The following YAF2 variants were observed in gnomAD, a reference collection of about 807,000 sequenced individuals.
YAF2 encodes the protein YY1-associated factor 2.
In YAF2, 7 loss-of-function variants were observed where a neutral mutation model predicts 20.1. The observed-to-expected ratio is 0.35, with a 90% CI of 0.20 to 0.65. YAF2 has a LOEUF of 0.65. Among genes scored for constraint, YAF2 ranks in the 30% least tolerant of loss-of-function variants. The probability of loss-of-function intolerance (pLI) is 0.69; values close to 1 mark genes in which losing one functional copy is unlikely to be tolerated. For synonymous variants in YAF2, 74 were observed against 76.0 expected (o/e 0.97, Z 0.14); for missense variants, 151 against 219.2 (o/e 0.69, Z 1.96).
intron 2 of YAF2, among the ~76,000 whole-genome samples, chr12:42,226,479 T>C (rs1164817789): frequency 1.3e-5 from 2 of 151,998 alleles, no homozygotes; most frequent in African/African-American, 4.8e-5. Flanking sequence ...CTGGGCAACA[T>C]AGGGAGACAC....
At position 42,238,140 on chromosome 12, in the gene YAF2, C is replaced by T; in HGVS notation, c.26+15G>A. The T allele has an allele frequency of 1.3e-6, 2 of 1,538,492 alleles. No individual in the cohort carries two copies. The highest frequency in any genetic ancestry group is 1.7e-6 in the Non-Finnish European group (2 of 1,144,520). ...CGCCCGCACAGTCCGGGCCCCGGGGCCCGGGCGCTGTTACCTGGTGGGGCT... is the reference window on the plus strand; with the variant it reads ...CGCCCGCACAGTCCGGGCCCCGGGGTCCGGGCGCTGTTACCTGGTGGGGCT... On this transcript the variant is annotated intron_variant, in intron 1 of 3. Coordinates refer to ENST00000534854, the MANE Select transcript of YAF2 (RefSeq NM_005748.6).
intron 2 of YAF2, chr12:42,234,115 G>A (rs1476223956): frequency 1.3e-6 from 1 of 794,662 alleles, no homozygotes; most frequent in Middle Eastern, 6.3e-4. Context: ...AGGTTGCAGT[G>A]AGCCGAGGTC....
intron 2 of YAF2, among the ~76,000 whole-genome samples, chr12:42,170,920 C>T (rs751155603): frequency 3.9e-5 from 6 of 152,136 alleles, no homozygotes; most frequent in South Asian, 2.1e-4. Flanking sequence ...CCCTAATATC[C>T]GCTCTAAATG....
At chr12:42,227,947 C>T (rs1382011687) in intron 2 of YAF2, among the ~76,000 whole-genome samples, 1 of 145,308 alleles carries the variant, frequency 6.9e-6, no homozygotes, top group Non-Finnish European at 1.5e-5. Context: ...TCAGCCCAGC[C>T]AGCCACCCTG....
At chr12:42,167,308 AAAAT>A (rs568791161) in intron 2 of YAF2, among the ~76,000 whole-genome samples, 22 of 152,328 alleles carry the variant, frequency 1.4e-4, no homozygotes, top group Non-Finnish European at 2.6e-4. Context: ...CAGTAAAATA[AAAAT>A]AAATAAAATA....
chr12:42,160,497 T>C lies in YAF2; in HGVS notation c.*92A>G, dbSNP rs1036400583. On this transcript the variant is annotated 3_prime_UTR_variant, in exon 4 of 4. Coordinates refer to ENST00000534854, the MANE Select transcript of YAF2 (RefSeq NM_005748.6). ...ACTCAAATTATGGATTGTGCATGAA[T>C]GTATCTGTCATGAAAATGTGGTACC... 8.4e-5 allele frequency: 78 copies of C among 925,844 alleles called. No homozygotes were observed. In the Admixed American group the frequency reaches 1.3e-3, roughly 15 times the overall value. 57.4% of individuals were successfully genotyped at this position (925,844 alleles called of 1,614,324 possible).
At chr12:42,212,233 GA>G (rs1409172070) in intron 2 of YAF2, among the ~76,000 whole-genome samples, 3 of 151,746 alleles carry the variant, frequency 2.0e-5, no homozygotes, top group Non-Finnish European at 4.4e-5. Context: ...CTAATCAAAA[GA>G]AAAAAATCTC....
chr12:42,196,053 C>G lies in YAF2; in HGVS notation c.153-34288G>C, dbSNP rs12227048. Among the ~76,000 whole-genome samples the G allele has an allele frequency of 6.6e-5, 10 of 151,904 alleles. No individual in the cohort carries two copies. The East Asian group carries it at 1.5e-3, about 24-fold the overall frequency. ...CCTGGCCAACATGGTGAAACCCCAT[C>G]TCTACTAAAGACACAAAAATTAGCA... is the stretch of plus-strand genomic sequence containing the variant. On this transcript the variant is annotated intron_variant, in intron 2 of 3. Transcript: ENST00000534854.
chr12:42,179,789 CAAAAA>C (rs71084622), intron 2 of YAF2, among the ~76,000 whole-genome samples: 3 of 85,128 alleles, frequency 3.5e-5, no homozygotes, highest in Non-Finnish European at 4.5e-5. Flanking sequence ...GTCTAAAAGG[CAAAAA>C]AAAAAAAAAA....
chr12:42,212,561 GAAAAC>G (rs2067243662), intron 2 of YAF2: 1 of 306,450 alleles, frequency 3.3e-6, no homozygotes, highest in Non-Finnish European at 6.5e-6. Context: ...ATAAATGAAA[GAAAAC>G]AAAACAAACA....
chr12:42,210,397 C>A, intron 2 of YAF2: 1 of 1,532,760 alleles, frequency 6.5e-7, no homozygotes, highest in Non-Finnish European at 8.7e-7. Context: ...CCTCACAGAT[C>A]CACCTCTCTT....
chr12:42,235,448 T>C, intron 2 of YAF2: 3 of 1,188,400 alleles, frequency 2.5e-6, no homozygotes, highest in Non-Finnish European at 3.2e-6. Flanking sequence ...TCCACACTGT[T>C]CTATACAAAC....
At position 42,198,427 on chromosome 12, in the gene YAF2, A is replaced by G. The variant is rs913891221; in HGVS notation, c.153-36662T>C. Among the ~76,000 whole-genome samples the G allele has an allele frequency of 3.3e-5, 5 of 152,288 alleles. No individual in the cohort carries two copies. In the East Asian group the frequency reaches 7.7e-4, roughly 23 times the overall value. On this transcript the variant is annotated intron_variant, in intron 2 of 3. Transcript: ENST00000534854. ...GGTGAAACTCTGTCTCTACAAAAAA[A>G]TACAAAAATTGGCCAAGTGTTGATG...
At chr12:42,204,440 T>C (rs187191644) in intron 2 of YAF2, among the ~76,000 whole-genome samples, 97 of 152,326 alleles carry the variant, frequency 6.4e-4, no homozygotes, top group Admixed American at 1.3e-3. Flanking sequence ...CTCTAAGCAA[T>C]ACAATATAAC....
chr12:42,198,376 G>A (rs373534866), intron 2 of YAF2, among the ~76,000 whole-genome samples: 2 of 152,132 alleles, frequency 1.3e-5, no homozygotes, highest in South Asian at 2.1e-4. Context: ...TTGAGCTCAG[G>A]AGTTTGAGAC....
chr12:42,171,617 C>T (rs780137858), intron 2 of YAF2, among the ~76,000 whole-genome samples: 1 of 151,992 alleles, frequency 6.6e-6, no homozygotes, highest in Non-Finnish European at 1.5e-5. Flanking sequence ...AGCAAAAGGG[C>T]CAGAACTGGG....
At chr12:42,238,067 C>CGGGCGGCTAGCG in intron 1 of YAF2, 88 bp downstream of exon 1, 1 of 1,195,998 alleles carries the variant, frequency 8.4e-7, no homozygotes, top group Non-Finnish European at 1.1e-6. Context: ...CCCCGGTGCC[C>CGGGCGGCTAGCG]GGGCGGCTAG....
chr12:42,207,895 A>T (rs1157658119), intron 2 of YAF2, among the ~76,000 whole-genome samples: 1 of 151,774 alleles, frequency 6.6e-6, no homozygotes, highest in Non-Finnish European at 1.5e-5. Context: ...TGTCTCAAAA[A>T]GACAAACAAA....
At chr12:42,228,478 G>C (rs1357266810) in intron 2 of YAF2, among the ~76,000 whole-genome samples, 5 of 47,670 alleles carry the variant, frequency 1.0e-4, no homozygotes, top group Admixed American at 1.6e-4. Context: ...GGGAGGTGGG[G>C]GGGGGGGGTC....
Sources: gnomAD v4.1 joint callset for allele counts (sites outside exome capture counted in the v4.1 genomes callset) on GRCh38, gnomAD v4.1.1 for gene constraint, MANE v1.5 for transcripts, NCBI Gene and HGNC (gene_info 2026-07-23, HGNC 2026-07-21) for gene names.